Variants in ZNF681 observed in about 807,000 individuals in gnomAD.
ZNF681 encodes the protein hypothetical protein FLJ31526.
In ZNF681, 37 loss-of-function variants were observed where a neutral mutation model predicts 56.0. The observed-to-expected ratio is 0.66, with a 90% CI of 0.51 to 0.87. The LOEUF (loss-of-function observed/expected upper bound fraction) is 0.87. ZNF681 is among the 40% of genes least tolerant of loss of function. The probability of loss-of-function intolerance (pLI) is 0.00; values close to 1 mark genes in which losing one functional copy is unlikely to be tolerated. For synonymous variants in ZNF681, 225 were observed against 248.6 expected (o/e 0.91, Z 0.89); for missense variants, 741 against 744.9 (o/e 0.99, Z 0.06).
intron 3 of ZNF681, among the ~76,000 whole-genome samples, chr19:23,749,302 G>A (rs977946905): frequency 4.6e-5 from 7 of 150,976 alleles, no homozygotes; most frequent in African/African-American, 1.5e-4. Flanking sequence ...AAAACAGAAA[G>A]TAGAAGGATA....
rs192534601 is a variant in ZNF681, at chr19:23,751,967, G to A, written c.226+2856C>T. Among the ~76,000 whole-genome samples the A allele has an allele frequency of 3.9e-5, 6 of 152,300 alleles. No individual in the cohort carries two copies. The East Asian group carries it at 7.7e-4, about 20-fold the overall frequency. ...CTCCCAGAGTGCTGGGATTACAGGC[G>A]TGAGCCACTGCGCCCGGCCTGAGGT... is the stretch of plus-strand genomic sequence containing the variant. On this transcript the variant is annotated intron_variant, in intron 3 of 3. Transcript: ENST00000402377.
intron 3 of ZNF681, among the ~76,000 whole-genome samples, chr19:23,746,811 CACA>C (rs1968951269): frequency 6.6e-6 from 1 of 152,184 alleles, no homozygotes; most frequent in South Asian, 2.1e-4. Context: ...TGTTAGGATA[CACA>C]ACAAGTCTTA....
rs922396374 is a variant in ZNF681, at chr19:23,741,167, T to A, written c.*2445A>T. On this transcript the variant is annotated 3_prime_UTR_variant, in exon 4 of 4. Transcript: ENST00000402377. ...AACTCATACTCGCAAAGAAGGCATT[T>A]ATTTACTCCATAATTTTTTTAAACC... 2.6e-5 allele frequency: 4 copies of A among 152,202 alleles called. No homozygotes were observed. The highest frequency in any genetic ancestry group is 5.9e-5 in the Non-Finnish European group (4 of 68,034). 9.4% of individuals were successfully genotyped at this position (152,202 alleles called of 1,614,324 possible).
chr19:23,758,351 G>A (rs529415503), intron 1 of ZNF681, among the ~76,000 whole-genome samples: 1 of 152,336 alleles, frequency 6.6e-6, no homozygotes, highest in Admixed American at 6.5e-5. Flanking sequence ...GAGCCACCGC[G>A]CCAGGCCTTT....
At chr19:23,751,474 C>CAAAAAAAAAA (rs71165893) in intron 3 of ZNF681, among the ~76,000 whole-genome samples, 6 of 123,010 alleles carry the variant, frequency 4.9e-5, no homozygotes, top group South Asian at 2.7e-4. Flanking sequence ...GACTCCGTCT[C>CAAAAAAAAAA]AAAAAAAAAA....
intron 1 of ZNF681, among the ~76,000 whole-genome samples, 164 bp from the exon 2 acceptor site, chr19:23,755,715 ATTT>A (rs908251768): frequency 1.3e-5 from 2 of 151,688 alleles, no homozygotes; most frequent in Non-Finnish European, 1.5e-5. Context: ...CAATAAAATA[ATTT>A]TTTTTTACAC....
At position 23,753,824 on chromosome 19, in the gene ZNF681, T is replaced by C. The variant is rs571411652; in HGVS notation, c.226+999A>G. On this transcript the variant is annotated intron_variant, in intron 3 of 3. Coordinates refer to ENST00000402377, the MANE Select transcript of ZNF681 (RefSeq NM_138286.3). ...TTGCAGTGAGCCGAGATTGTGCCAC[T>C]GCACTTCAGCCTGGAGAAAGAGCGA... Among the ~76,000 whole-genome samples, 442 of 133,336 alleles carry C rather than the reference T, an allele frequency of 3.3e-3. 2 individuals are homozygous for C. The highest frequency in any genetic ancestry group is 5.4e-3 in the Non-Finnish European group (350 of 65,292). 87.5% of individuals were successfully genotyped at this position (133,336 alleles called of 152,430 possible).
chr19:23,747,936 CA>C (rs1016736913), intron 3 of ZNF681, among the ~76,000 whole-genome samples: 1 of 151,828 alleles, frequency 6.6e-6, no homozygotes, highest in Non-Finnish European at 1.5e-5. Flanking sequence ...ACAATCTCTT[CA>C]AAAAATCATG....
intron 3 of ZNF681, among the ~76,000 whole-genome samples, chr19:23,746,939 C>T (rs1034599900): frequency 6.6e-6 from 1 of 152,038 alleles, no homozygotes; most frequent in Admixed American, 6.6e-5. Flanking sequence ...GCCTAGGCAA[C>T]ACAGTAAGAC....
intron 2 of ZNF681, 65 bp downstream of exon 2, chr19:23,755,360 T>G (rs1969095971): frequency 6.5e-7 from 1 of 1,534,594 alleles, no homozygotes; most frequent in East Asian, 2.3e-5. Context: ...CTAAAAACAT[T>G]ATACAAAAAA....
At chr19:23,754,706 G>A (rs1192983822) in intron 3 of ZNF681, 117 bp downstream of exon 3, 4 of 887,280 alleles carry the variant, frequency 4.5e-6, no homozygotes, top group Non-Finnish European at 7.2e-6. Flanking sequence ...TGGCTTTCCA[G>A]AAACTATTTC....
chr19:23,755,364 C>T, intron 2 of ZNF681, 61 bp downstream of exon 2: 1 of 1,537,292 alleles, frequency 6.5e-7, no homozygotes, highest in Non-Finnish European at 8.7e-7. Flanking sequence ...AAACATTATA[C>T]AAAAAAGAAA....
At position 23,740,849 on chromosome 19, in the gene ZNF681, AATT is replaced by A. The variant is rs1003207312; in HGVS notation, c.*2760_*2762del. 5.3e-5 allele frequency: 8 copies of A among 152,128 alleles called. No homozygotes were observed. Among genetic ancestry groups the A allele is most frequent in the African/African-American group, 1.9e-4 (8 of 41,454 alleles). 9.4% of individuals were successfully genotyped at this position (152,128 alleles called of 1,614,324 possible). A position where few individuals can be genotyped will look rare whatever the true frequency, so the allele number is the denominator to read the frequency against. ...AAATTTTTTGCACTAATTTTATAAA[AATT>A]ATTTTTATAATCTCTGACCAGCTCA... On this transcript the variant is annotated 3_prime_UTR_variant, in exon 4 of 4. Transcript: ENST00000402377.
chr19:23,755,654 T>C lies in ZNF681; in HGVS notation c.4-103A>G, dbSNP rs1599461731. The stretch of plus-strand genomic sequence containing the variant: ...ATTTATAATTTGATTCAAGGTAAAA[T>C]AAGAAAGTGAAGAGAACTGGTTCTG... On this transcript the variant is annotated intron_variant, in intron 1 of 3. Coordinates refer to ENST00000402377, the MANE Select transcript of ZNF681 (RefSeq NM_138286.3). The C allele has an allele frequency of 1.3e-5, 17 of 1,298,392 alleles. No homozygotes were observed. The East Asian group carries it at 4.8e-4, about 36-fold the overall frequency. 80.4% of individuals were successfully genotyped at this position (1,298,392 alleles called of 1,614,324 possible).
At chr19:23,752,599 A>C (rs1281180099) in intron 3 of ZNF681, among the ~76,000 whole-genome samples, 3 of 152,200 alleles carry the variant, frequency 2.0e-5, no homozygotes, top group Admixed American at 1.3e-4. Context: ...CTGTCTAAAA[A>C]ATAAAGTGTT....
intron 3 of ZNF681, among the ~76,000 whole-genome samples, chr19:23,749,026 G>A (rs1258393235): frequency 6.6e-6 from 1 of 152,144 alleles, no homozygotes; most frequent in East Asian, 1.9e-4. Context: ...CAATGCAGGA[G>A]CTAGAAGGCA....
intron 3 of ZNF681, among the ~76,000 whole-genome samples, chr19:23,750,092 C>T (rs1969002527): frequency 6.6e-6 from 1 of 151,476 alleles, no homozygotes; most frequent in East Asian, 1.9e-4. Context: ...CTAGACCAGC[C>T]TGGTCAACAT....
chr19:23,743,946 G>A lies in ZNF681; in HGVS notation c.1604C>T (p.Thr535Ile). 2 of 1,605,074 alleles carry A rather than the reference G, an allele frequency of 1.2e-6. No homozygotes were observed. The highest frequency in any genetic ancestry group is 1.7e-6 in the Non-Finnish European group (2 of 1,177,234). ...KKIHTGEKPY[T>I]CEECGKAFNH... The stretch of plus-strand genomic sequence containing the variant: ...AAAGGCTTTGCCACATTCTTCACAT[G>A]TGTAGGGTTTCTCTCCAGTATGAAT... Residue 535 changes from threonine to isoleucine, a missense_variant, in exon 4 of 4, where the codon ACA (threonine) becomes ATA (isoleucine). Thr to Ile is a moderately conservative substitution (Grantham distance 89). Coordinates refer to ENST00000402377, the MANE Select transcript of ZNF681 (RefSeq NM_138286.3).
chr19:23,744,052 G>C lies in ZNF681; in HGVS notation c.1498C>G (p.His500Asp). Residue 500 changes from histidine to aspartate, a missense_variant, in exon 4 of 4, where the codon CAT becomes GAT. Physicochemically the swap from His to Asp is moderately conservative, Grantham distance 81 (BLOSUM62 -1). Coordinates refer to ENST00000402377, the MANE Select transcript of ZNF681 (RefSeq NM_138286.3). ...CATTTGTAGGATTTCTCTCCAGTAT[G>C]AATTCTCTTATGTGTAGTAAGGATT... ...SSILTTHKRIHTGEKSYKCEE... is the reference protein window; with the variant it reads ...SSILTTHKRIDTGEKSYKCEE... 6.2e-7 allele frequency: 1 copy of C among 1,613,146 alleles called. No individual in the cohort carries two copies. The highest frequency in any genetic ancestry group is 8.5e-7 in the Non-Finnish European group (1 of 1,179,770).
Sources: gnomAD v4.1 joint callset for allele counts (sites outside exome capture counted in the v4.1 genomes callset) on GRCh38, gnomAD v4.1.1 for gene constraint, MANE v1.5 for transcripts, NCBI Gene and HGNC (gene_info 2026-07-23, HGNC 2026-07-21) for gene names.